CFAP47: variants seen among roughly 807,000 people sequenced by gnomAD.
CFAP47 encodes the protein cilia and flagella associated protein 47, also known as cilia- and flagella-associated protein 47.
Under a neutral mutation model 148.1 loss-of-function variants are expected in CFAP47, and 29 were observed. That is an observed-to-expected ratio of 0.20 (90% CI 0.15 to 0.27). CFAP47 has a LOEUF of 0.27. Ranked by LOEUF, CFAP47 falls within the 10% of genes least tolerant of loss-of-function variation. The probability of loss-of-function intolerance (pLI) is 1.00; values close to 1 mark genes in which losing one functional copy is unlikely to be tolerated. For synonymous variants in CFAP47, 664 were observed against 577.3 expected (o/e 1.15, Z -2.15); for missense variants, 1,872 against 1,697.5 (o/e 1.10, Z -1.81).
At chrX:35,963,417 T>C (rs761079953) in intron 8 of CFAP47, among the ~76,000 whole-genome samples, 152 of 111,349 alleles carry the variant, frequency 1.4e-3, no homozygotes, top group Non-Finnish European at 2.4e-3. Context: ...ATTTATTAGT[T>C]GTACCTTAAT....
chrX:36,189,013 C>T (rs1939837482), intron 41 of CFAP47, among the ~76,000 whole-genome samples: 1 of 111,186 alleles, frequency 9.0e-6, no homozygotes, highest in East Asian at 2.8e-4. Context: ...ACAGGTATCA[C>T]CAAGTTTAGA....
chrX:35,954,534 A>G (rs1295750071), intron 7 of CFAP47, among the ~76,000 whole-genome samples: 2 of 111,854 alleles, frequency 1.8e-5, no homozygotes, highest in Non-Finnish European at 3.8e-5. Context: ...CTAGACAGCA[A>G]TGAGAATTCC....
intron 22 of CFAP47, among the ~76,000 whole-genome samples, chrX:36,023,162 C>T (rs944008765): frequency 8.9e-5 from 10 of 112,552 alleles, no homozygotes; most frequent in African/African-American, 3.2e-4. Flanking sequence ...TAAGCTGTGT[C>T]TGCTTTAGGG....
intron 3 of CFAP47, among the ~76,000 whole-genome samples, chrX:35,946,099 C>T (rs1894695599): frequency 1.8e-5 from 2 of 110,161 alleles, no homozygotes; most frequent in South Asian, 7.8e-4. Context: ...TCTCGAACTC[C>T]TGACCTCAAG....
intron 21 of CFAP47, among the ~76,000 whole-genome samples, chrX:36,011,012 C>T (rs752301176): frequency 8.6e-4 from 96 of 111,538 alleles, no homozygotes; most frequent in African/African-American, 3.1e-3. Context: ...ATCAGATTAT[C>T]CTCCTTTCTC....
intron 41 of CFAP47, 105 bp downstream of exon 41, chrX:36,188,795 A>C (rs1365631800): frequency 1.1e-5 from 3 of 282,620 alleles, no homozygotes; most frequent in Non-Finnish European, 1.9e-5. Context: ...AAGAATAGAC[A>C]GAGTAGTAAG....
At chrX:36,106,702 C>T (rs763406179) in intron 33 of CFAP47, among the ~76,000 whole-genome samples, 1 of 111,636 alleles carries the variant, frequency 9.0e-6, no homozygotes, top group African/African-American at 3.3e-5. Context: ...AGATGTATTA[C>T]TAGGTAAAAG....
chrX:36,352,337 A>G (rs1156499081), intron 59 of CFAP47, among the ~76,000 whole-genome samples: 1 of 111,452 alleles, frequency 9.0e-6, no homozygotes, highest in Non-Finnish European at 1.9e-5. Flanking sequence ...TATATATATC[A>G]TTGTATTCTT....
At chrX:36,350,239 A>C in intron 59 of CFAP47, 107 bp downstream of exon 59, 1 of 483,718 alleles carries the variant, frequency 2.1e-6, no homozygotes, top group Non-Finnish European at 3.5e-6. Context: ...TAGTAATGTG[A>C]ACAGTCCTAC....
At chrX:36,245,781 G>T (rs141602074) in intron 48 of CFAP47, among the ~76,000 whole-genome samples, 82 of 111,433 alleles carry the variant, frequency 7.4e-4, no homozygotes, top group African/African-American at 2.5e-3. Context: ...ACGATCATCT[G>T]ATCTTCAAAA....
chrX:35,936,529 G>A (rs779415297), intron 2 of CFAP47, among the ~76,000 whole-genome samples: 47 of 105,296 alleles, frequency 4.5e-4, no homozygotes, highest in Middle Eastern at 5.1e-3. Context: ...TCTGTTGATT[G>A]TCTGCTCTCA....
At position 36,277,584 on chromosome X, in the gene CFAP47, TA is replaced by T. The variant is rs1337528255; in HGVS notation, c.7445-2902del. ...ACACAAACATATACATATTCTCTATTATATGCACAGCTACAAATAAAACAGA... is the reference window on the plus strand; with the variant it reads ...ACACAAACATATACATATTCTCTATTTATGCACAGCTACAAATAAAACAGA... On this transcript the variant is annotated intron_variant, in intron 49 of 63. Coordinates refer to ENST00000378653, the MANE Select transcript of CFAP47 (RefSeq NM_001304548.2). Among the ~76,000 whole-genome samples the T allele has an allele frequency of 2.7e-5, 3 of 112,580 alleles. No homozygotes were observed. In the South Asian group the frequency reaches 1.1e-3, roughly 41 times the overall value.
chrX:36,364,356 C>A, intron 61 of CFAP47, among the ~76,000 whole-genome samples: 1 of 109,450 alleles, frequency 9.1e-6, no homozygotes, highest in South Asian at 3.8e-4. Flanking sequence ...AAAATCCCTG[C>A]ACTTTAGGAG....
At chrX:36,383,979 A>G (rs1186727397) in intron 63 of CFAP47, among the ~76,000 whole-genome samples, 1 of 111,552 alleles carries the variant, frequency 9.0e-6, no homozygotes, top group African/African-American at 3.3e-5. Flanking sequence ...TGTAAATTCT[A>G]CTCACTTGGA....
At chrX:36,062,743 T>C (rs955092578) in intron 26 of CFAP47, among the ~76,000 whole-genome samples, 1 of 111,263 alleles carries the variant, frequency 9.0e-6, no homozygotes, top group Non-Finnish European at 1.9e-5. Flanking sequence ...TGTTAAGCGG[T>C]AGAGAGTTTC....
chrX:35,933,702 G>A (rs910025929), intron 2 of CFAP47, among the ~76,000 whole-genome samples: 1 of 111,758 alleles, frequency 8.9e-6, no homozygotes, highest in South Asian at 3.7e-4. Flanking sequence ...GTGTATGAGG[G>A]TTACCTTTTC....
rs780344313 is a variant in CFAP47, at chrX:36,125,392, G to A, written c.5321-12566G>A. Among the ~76,000 whole-genome samples the A allele has an allele frequency of 2.7e-5, 3 of 110,750 alleles. No homozygotes were observed. In the Admixed American group the frequency reaches 2.9e-4, roughly 11 times the overall value. ...AGTCTAGTCTCTTGAGTAGCAGGTGGAAATGTTTATCACTCACAATACATT... is the reference window on the plus strand; with the variant it reads ...AGTCTAGTCTCTTGAGTAGCAGGTGAAAATGTTTATCACTCACAATACATT... On this transcript the variant is annotated intron_variant, in intron 33 of 63. Coordinates refer to ENST00000378653, the MANE Select transcript of CFAP47 (RefSeq NM_001304548.2).
chrX:36,268,469 G>C (rs1023264733), intron 49 of CFAP47, among the ~76,000 whole-genome samples: 7 of 112,682 alleles, frequency 6.2e-5, no homozygotes, highest in Admixed American at 1.9e-4. Context: ...GTTCTCACTG[G>C]AAGTGAAGGC....
intron 48 of CFAP47, among the ~76,000 whole-genome samples, chrX:36,241,507 GC>G (rs1251893162): frequency 2.7e-5 from 3 of 112,042 alleles, no homozygotes; most frequent in African/African-American, 9.7e-5. Context: ...GCACAATACA[GC>G]CTACACTCTC....
Sources: gnomAD v4.1 joint callset for allele counts (sites outside exome capture counted in the v4.1 genomes callset) on GRCh38, gnomAD v4.1.1 for gene constraint, MANE v1.5 for transcripts, NCBI Gene and HGNC (gene_info 2026-07-23, HGNC 2026-07-21) for gene names.